The following TNFAIP8 variants were observed in gnomAD, a reference collection of about 807,000 sequenced individuals.
TNFAIP8 encodes the protein tumor necrosis factor alpha-induced protein 8.
TNFAIP8 carries 7 observed loss-of-function variants against 13.3 expected under a neutral mutation model. That is an observed-to-expected ratio of 0.52 (90% CI 0.30 to 0.99). The LOEUF (loss-of-function observed/expected upper bound fraction) is 0.99. Ranked by LOEUF, TNFAIP8 falls within the 50% of genes least tolerant of loss-of-function variation. The pLI is 0.07. For synonymous variants in TNFAIP8, 94 were observed against 87.6 expected (o/e 1.07, Z -0.41); for missense variants, 258 against 236.9 (o/e 1.09, Z -0.58).
intron 1 of TNFAIP8, among the ~76,000 whole-genome samples, chr5:119,280,428 C>G (rs2150803978): frequency 6.6e-6 from 1 of 151,212 alleles, no homozygotes; most frequent in Middle Eastern, 3.4e-3. Context: ...GTTGCAGGAC[C>G]TGGGCTGTTT....
chr5:119,398,118 T>A lies in TNFAIP8; in HGVS notation c.*4737T>A, dbSNP rs1753116742. 1 of 152,294 alleles carries A rather than the reference T, an allele frequency of 6.6e-6. No homozygotes were observed. Among genetic ancestry groups the A allele is most frequent in the East Asian group, 1.9e-4 (1 of 5,186 alleles). 9.4% of individuals were successfully genotyped at this position (152,294 alleles called of 1,614,324 possible). A position where few individuals can be genotyped will look rare whatever the true frequency, so the allele number is the denominator to read the frequency against. ...CTATGTCCACCAAATTTGCATGAGATCTTTATAAGATTAGACAGCCAGTGG... is the reference window on the plus strand; with the variant it reads ...CTATGTCCACCAAATTTGCATGAGAACTTTATAAGATTAGACAGCCAGTGG... On this transcript the variant is annotated 3_prime_UTR_variant, in exon 2 of 2. Transcript: ENST00000504771.
chr5:119,390,393 A>T lies in TNFAIP8; in HGVS notation c.32-2423A>T, dbSNP rs183185901. Among the ~76,000 whole-genome samples the T allele has an allele frequency of 4.8e-4, 73 of 152,298 alleles. 1 individual carries two copies. The highest frequency in any genetic ancestry group is 1.7e-3 in the African/African-American group (72 of 41,560). ...TAATGTGATACTGTTAGCTACATGGATGCCATTTCTTTTGACATAAATTCT... is the reference window on the plus strand; with the variant it reads ...TAATGTGATACTGTTAGCTACATGGTTGCCATTTCTTTTGACATAAATTCT... On this transcript the variant is annotated intron_variant, in intron 1 of 1. Coordinates refer to ENST00000504771, the MANE Select transcript of TNFAIP8 (RefSeq NM_014350.4).
At chr5:119,328,029 G>GTCT (rs1374049626) in intron 1 of TNFAIP8, among the ~76,000 whole-genome samples, 1 of 152,052 alleles carries the variant, frequency 6.6e-6, no homozygotes, top group African/African-American at 2.4e-5. Context: ...AAGGGACCAG[G>GTCT]TCTCCCTGCA....
chr5:119,389,421 A>G (rs1752810260), intron 1 of TNFAIP8, among the ~76,000 whole-genome samples: 1 of 152,184 alleles, frequency 6.6e-6, no homozygotes, highest in South Asian at 2.1e-4. Flanking sequence ...AGGGGTGAGG[A>G]TAGACTGAAG....
intron 1 of TNFAIP8, chr5:119,333,093 C>G: frequency 1.4e-6 from 1 of 712,840 alleles, no homozygotes; most frequent in Non-Finnish European, 1.7e-6. Flanking sequence ...GGGCCTCTCC[C>G]TTTTTTTTAG....
intron 1 of TNFAIP8, among the ~76,000 whole-genome samples, chr5:119,325,506 G>A (rs1232796407): frequency 6.6e-6 from 1 of 152,166 alleles, no homozygotes; most frequent in Non-Finnish European, 1.5e-5. Flanking sequence ...GGAGTGTAGT[G>A]GTGCGATCTC....
intron 1 of TNFAIP8, among the ~76,000 whole-genome samples, chr5:119,364,676 G>C (rs1013698521): frequency 6.6e-6 from 1 of 151,692 alleles, no homozygotes; most frequent in Non-Finnish European, 1.5e-5. Flanking sequence ...GAAATTCCAA[G>C]AGTTTTGAGA....
At chr5:119,369,274 G>A (rs555343278) in intron 1 of TNFAIP8, among the ~76,000 whole-genome samples, 20 of 151,986 alleles carry the variant, frequency 1.3e-4, no homozygotes, top group Non-Finnish European at 2.4e-4. Context: ...GGCTGGTCTC[G>A]AACTCATGAC....
intron 1 of TNFAIP8, among the ~76,000 whole-genome samples, chr5:119,372,473 T>G (rs1004970992): frequency 1.3e-5 from 2 of 152,180 alleles, no homozygotes; most frequent in Admixed American, 1.3e-4. Flanking sequence ...AATATAATAT[T>G]TTCCAAGAAC....
intron 1 of TNFAIP8, among the ~76,000 whole-genome samples, chr5:119,345,450 T>G (rs1017102284): frequency 1.3e-5 from 2 of 152,166 alleles, no homozygotes; most frequent in Non-Finnish European, 2.9e-5. Flanking sequence ...GTGGTAGCAA[T>G]CCAGGTATCC....
chr5:119,351,788 C>CTTTTTTTTTTTTTTTT (rs1177061965), upstream of TNFAIP8, among the ~76,000 whole-genome samples: 13 of 138,234 alleles, frequency 9.4e-5, no homozygotes, highest in Non-Finnish European at 1.1e-4. Context: ...TTTTCTTTTT[C>CTTTTTTTTTTTTTTTT]TTTTTTTCTT....
At chr5:119,269,706 G>A (rs1043262201) in intron 1 of TNFAIP8, among the ~76,000 whole-genome samples, 2 of 152,166 alleles carry the variant, frequency 1.3e-5, no homozygotes, top group Non-Finnish European at 2.9e-5. Flanking sequence ...AATCATGGAA[G>A]GAATCAAACA....
intron 1 of TNFAIP8, among the ~76,000 whole-genome samples, chr5:119,321,073 C>T (rs1031092162): frequency 2.6e-4 from 40 of 152,048 alleles, no homozygotes; most frequent in South Asian, 4.1e-4. Context: ...AAAAACTAGG[C>T]GGGCGTGGTG....
intron 1 of TNFAIP8, among the ~76,000 whole-genome samples, chr5:119,324,863 C>A (rs1032823906): frequency 2.0e-5 from 3 of 151,934 alleles, no homozygotes; most frequent in African/African-American, 4.8e-5. Context: ...AATATAATTT[C>A]TTTGCTTTTA....
chr5:119,275,734 A>G (rs1748422097), intron 1 of TNFAIP8, among the ~76,000 whole-genome samples: 2 of 152,206 alleles, frequency 1.3e-5, no homozygotes, highest in Admixed American at 6.5e-5. Flanking sequence ...TTTTTAATTT[A>G]TCATTCTAAT....
chr5:119,316,840 G>C (rs558588658), intron 1 of TNFAIP8, among the ~76,000 whole-genome samples: 1 of 152,284 alleles, frequency 6.6e-6, no homozygotes, highest in South Asian at 2.1e-4. Flanking sequence ...AATATCCAAA[G>C]ACAATTTTAG....
chr5:119,364,796 A>AT (rs1445006453), intron 1 of TNFAIP8, among the ~76,000 whole-genome samples: 3 of 141,200 alleles, frequency 2.1e-5, no homozygotes, highest in Admixed American at 2.1e-4. Context: ...AAATTAGATA[A>AT]TTTTTTTAAG....
chr5:119,349,534 C>T (rs187141018), intron 1 of TNFAIP8, among the ~76,000 whole-genome samples: 5 of 152,196 alleles, frequency 3.3e-5, no homozygotes, highest in Non-Finnish European at 5.9e-5. Flanking sequence ...TCCGCTGATG[C>T]GGGTGTCAGT....
At position 119,330,145 on chromosome 5, in the gene TNFAIP8, G is replaced by A. The variant is rs115655324; in HGVS notation, c.1+61238G>A. Among the ~76,000 whole-genome samples the A allele has an allele frequency of 7.7e-3, 1,168 of 152,222 alleles. 17 individuals carry two copies. Among genetic ancestry groups the A allele is most frequent in the African/African-American group, 0.026 (1,080 of 41,540 alleles). Reference sequence around the variant, plus strand: ...TTAGCATGGGCAGGATTCAGCATACGAGGAGGGTACAGAGAGGACTGATGG... The same window carrying A: ...TTAGCATGGGCAGGATTCAGCATACAAGGAGGGTACAGAGAGGACTGATGG... On this transcript the variant is annotated intron_variant, in intron 1 of 1. Transcript: ENST00000274456.
Sources: allele counts gnomAD v4.1 joint callset (sites outside exome capture counted in the v4.1 genomes callset), GRCh38; gene constraint gnomAD v4.1.1; transcripts MANE v1.5; gene names NCBI Gene and HGNC (gene_info 2026-07-23, HGNC 2026-07-21).